GOLGA8H: variants seen among roughly 807,000 people sequenced by gnomAD.
GOLGA8H encodes golgin A8 family member H.
GOLGA8H carries 47 observed loss-of-function variants against 82.7 expected under a neutral mutation model. The observed-to-expected ratio is 0.57, with a 90% CI of 0.45 to 0.73. GOLGA8H has a LOEUF of 0.73. Ranked by LOEUF, GOLGA8H falls within the 30% of genes least tolerant of loss-of-function variation. The pLI, the probability that GOLGA8H is intolerant of heterozygous loss-of-function variation, is 0.00. For synonymous variants in GOLGA8H, 108 were observed against 241.6 expected (o/e 0.45, Z 5.13); for missense variants, 372 against 661.0 (o/e 0.56, Z 4.79).
intron 1 of GOLGA8H, 68 bp downstream of exon 1, chr15:30,604,241 CAG>C: frequency 1.5e-6 from 2 of 1,308,426 alleles, no homozygotes; most frequent in Admixed American, 2.1e-5. Flanking sequence ...AGACCCCTGC[CAG>C]AGTCTATACG....
intron 8 of GOLGA8H, among the ~76,000 whole-genome samples, chr15:30,609,132 T>A (rs1283401600): frequency 8.4e-6 from 1 of 119,720 alleles, no homozygotes; most frequent in Non-Finnish European, 1.8e-5. Flanking sequence ...TGTGTGTGTG[T>A]GTGTGTGTGT....
At chr15:30,605,675 A>T (rs890973473) in intron 1 of GOLGA8H, among the ~76,000 whole-genome samples, 168 bp from the exon 2 acceptor site, 1 of 150,666 alleles carries the variant, frequency 6.6e-6, no homozygotes, top group African/African-American at 2.5e-5. Context: ...TTTTCTAGCC[A>T]TGATATCAAT....
Position 30,605,807 on chromosome 15 carries a change from G to T in GOLGA8H, c.49-36G>T, listed in dbSNP as rs563013457. The T allele has an allele frequency of 1.5e-4, 240 of 1,590,474 alleles. No homozygotes were observed. The South Asian group carries it at 2.5e-3, about 17-fold the overall frequency. On this transcript the variant is annotated intron_variant, in intron 1 of 18. Transcript: ENST00000566740. ...GGAGGATGTGGCTGCAGGGGCTGACGGTTCTCATGAGTATTACTGCTCTTC... is the reference window on the plus strand; with the variant it reads ...GGAGGATGTGGCTGCAGGGGCTGACTGTTCTCATGAGTATTACTGCTCTTC...
In GOLGA8H at chr15:30,615,328, T is replaced by TACTG. The variant is rs1332178445; in HGVS notation, c.*768_*771dup. On this transcript the variant is annotated 3_prime_UTR_variant, in exon 19 of 19. Transcript: ENST00000566740. Reference sequence around the variant, plus strand: ...TGTATGTGCTCTGGGCTCATGAAGATACTGCATCATGAGCTGCAGCAGTTG... The same window carrying TACTG: ...TGTATGTGCTCTGGGCTCATGAAGATACTGACTGCATCATGAGCTGCAGCAGTTG... Among the ~76,000 whole-genome samples, 1 of 151,874 alleles carries TACTG rather than the reference T, an allele frequency of 6.6e-6. No individual in the cohort carries two copies. The highest frequency in any genetic ancestry group is 2.4e-5 in the African/African-American group (1 of 41,372).
rs539282573 is a variant in GOLGA8H at position 30,615,755 on chromosome 15, C to T, written c.*1194C>T. Among the ~76,000 whole-genome samples, 1 of 129,154 alleles carries T rather than the reference C, an allele frequency of 7.7e-6. No individual in the cohort carries two copies. Among genetic ancestry groups the T allele is most frequent in the African/African-American group, 3.2e-5 (1 of 31,174 alleles). 84.7% of individuals were successfully genotyped at this position (129,154 alleles called of 152,430 possible). ...CTTTGGCTAATACCTATTCTTCAAC[C>T]ACCTTGGTTACTCTGACATAGGAAT... On this transcript the variant is annotated 3_prime_UTR_variant, in exon 19 of 19. Transcript: ENST00000566740.
chr15:30,606,136 T>G (rs1194574392), intron 2 of GOLGA8H, among the ~76,000 whole-genome samples, 174 bp downstream of exon 2: 4 of 151,612 alleles, frequency 2.6e-5, no homozygotes, highest in Non-Finnish European at 5.9e-5. Context: ...AGGCGGATCA[T>G]GAGGTCAGGC....
chr15:30,604,208 G>C (rs1207768198), intron 1 of GOLGA8H, 35 bp downstream of exon 1: 1 of 1,200,548 alleles, frequency 8.3e-7, no homozygotes. Flanking sequence ...CCTCAACCCA[G>C]CCACAGATCC....
chr15:30,606,150 C>T (rs1002982967), intron 2 of GOLGA8H, among the ~76,000 whole-genome samples, 188 bp downstream of exon 2: 7 of 151,674 alleles, frequency 4.6e-5, no homozygotes, highest in Non-Finnish European at 8.8e-5. Flanking sequence ...GTCAGGCGAT[C>T]GAGACCATCC....
chr15:30,606,349 T>C (rs2059923685), intron 2 of GOLGA8H, among the ~76,000 whole-genome samples: 1 of 149,674 alleles, frequency 6.7e-6, no homozygotes, highest in African/African-American at 2.5e-5. Context: ...CAAGACTCTG[T>C]CTCAAAGAAA....
chr15:30,611,487 A>G lies in GOLGA8H; in HGVS notation c.1200+141A>G, dbSNP rs1201353432. 7.9e-6 allele frequency: 12 copies of G among 1,527,582 alleles called. No individual in the cohort carries two copies. The Admixed American group carries it at 2.3e-4, about 30-fold the overall frequency. The allele number at this position is 1,527,582 out of a possible 1,614,324, so 94.6% of individuals were successfully genotyped here. ...CAGCACCCCGCAGGGCAGTCCTGTG[A>G]CTGTTTCTTGCTTCCTGCCTCTGAC... On this transcript the variant is annotated intron_variant, in intron 13 of 18. Transcript: ENST00000566740.
intron 8 of GOLGA8H, among the ~76,000 whole-genome samples, chr15:30,609,258 T>A (rs1320337053): frequency 8.2e-6 from 1 of 122,526 alleles, no homozygotes; most frequent in Non-Finnish European, 1.7e-5. Flanking sequence ...AGTTTTGGAC[T>A]ATGCAAATGT....
chr15:30,608,378 G>A lies in GOLGA8H; in HGVS notation c.396G>A (p.Glu132=), dbSNP rs1446894862. ...NKKQKAKRVL[E]VQIQTLNIQK... ...AACAGAAAGCCAAAAGGGTGCTAGA[G>A]GTGAGTGGAGGGTGTGCAGTTTCCT... Residue 132 remains glutamate (E), a splice_region_variant and synonymous_variant, in exon 6 of 19, where the codon GAG becomes GAA. Coordinates refer to ENST00000566740, the MANE Select transcript of GOLGA8H (RefSeq NM_001282490.2). 4 of 1,570,142 alleles carry A rather than the reference G, an allele frequency of 2.5e-6. 1 individual carries two copies. The highest frequency in any genetic ancestry group is 3.4e-6 in the Non-Finnish European group (4 of 1,160,718).
chr15:30,609,013 G>C (rs1265092308), intron 8 of GOLGA8H, among the ~76,000 whole-genome samples: 1 of 134,448 alleles, frequency 7.4e-6, no homozygotes, highest in Non-Finnish European at 1.6e-5. Context: ...ACCTGGCTGT[G>C]GTCTTGAGCA....
intron 4 of GOLGA8H, among the ~76,000 whole-genome samples, chr15:30,607,414 C>G (rs2140818007): frequency 1.6e-5 from 1 of 63,614 alleles, no homozygotes; most frequent in East Asian, 3.8e-4. Flanking sequence ...TACACACGCC[C>G]TGGGGTTGTT....
intron 11 of GOLGA8H, 149 bp downstream of exon 11, chr15:30,610,538 T>C: frequency 3.5e-6 from 3 of 867,892 alleles, no homozygotes; most frequent in Admixed American, 4.6e-5. Context: ...TCTTGTCATC[T>C]CAATGAGTCT....
chr15:30,608,955 G>T (rs1320384627), intron 8 of GOLGA8H, among the ~76,000 whole-genome samples, 199 bp downstream of exon 8: 1 of 120,052 alleles, frequency 8.3e-6, no homozygotes, highest in Admixed American at 7.8e-5. Context: ...ACTGTGTGGA[G>T]TGAGCACTGG....
In GOLGA8H at chr15:30,614,601, A is replaced by G. The variant is rs1254605779; in HGVS notation, c.*40A>G. The G allele has an allele frequency of 7.7e-6, 12 of 1,565,976 alleles. No homozygotes were observed. The highest frequency in any genetic ancestry group is 1.4e-5 in the African/African-American group (1 of 73,568). On this transcript the variant is annotated 3_prime_UTR_variant, in exon 19 of 19. Transcript: ENST00000566740. Reference sequence around the variant, plus strand: ...AAAGAGCTGCTCAAGAAATTTTTAAATAAGAAACCAAGTTATGGGGTTAAT... The same window carrying G: ...AAAGAGCTGCTCAAGAAATTTTTAAGTAAGAAACCAAGTTATGGGGTTAAT...
chr15:30,609,575 G>A lies in GOLGA8H; in HGVS notation c.592-231G>A, dbSNP rs2059983371. Among the ~76,000 whole-genome samples the A allele has an allele frequency of 1.3e-5, 2 of 150,842 alleles. 1 individual carries two copies. The highest frequency in any genetic ancestry group is 4.9e-5 in the African/African-American group (2 of 40,610). On this transcript the variant is annotated intron_variant, in intron 8 of 18. Coordinates refer to ENST00000566740, the MANE Select transcript of GOLGA8H (RefSeq NM_001282490.2). The stretch of plus-strand genomic sequence containing the variant: ...GGTAATAATAACAGTAATAACAATA[G>A]CAATATTATCTGATCTCTCTGGGCC...
chr15:30,615,944 C>G lies in GOLGA8H; in HGVS notation c.*1383C>G, dbSNP rs1018565522. ...AAGTTTATGAAACTTAAAATGTGTA[C>G]AAACTGCAGTGCAATCTACTGTTCG... On this transcript the variant is annotated 3_prime_UTR_variant, in exon 19 of 19. Coordinates refer to ENST00000566740, the MANE Select transcript of GOLGA8H (RefSeq NM_001282490.2). Among the ~76,000 whole-genome samples, 5 of 151,166 alleles carry G rather than the reference C, an allele frequency of 3.3e-5. No homozygotes were observed. Among genetic ancestry groups the G allele is most frequent in the Admixed American group, 2.6e-4 (4 of 15,146 alleles).
Sources: allele counts gnomAD v4.1 joint callset (sites outside exome capture counted in the v4.1 genomes callset), GRCh38; gene constraint gnomAD v4.1.1; transcripts MANE v1.5; gene names NCBI Gene and HGNC (gene_info 2026-07-23, HGNC 2026-07-21).